The following DACH2 variants were observed in gnomAD, a reference collection of about 807,000 sequenced individuals.
The protein encoded by DACH2 is dachshund family transcription factor 2, also known as dachshund homolog 2.
In DACH2, 17 loss-of-function variants were observed where a neutral mutation model predicts 35.8. The observed-to-expected ratio is 0.48, with a 90% CI of 0.33 to 0.71. The LOEUF is 0.71. Ranked by LOEUF, DACH2 falls within the 30% of genes least tolerant of loss-of-function variation. DACH2 has a pLI of 0.02. For synonymous variants in DACH2, 195 were observed against 177.3 expected (o/e 1.10, Z -0.79); for missense variants, 469 against 472.7 (o/e 0.99, Z 0.07).
At position 86,687,921 on chromosome X, in the gene DACH2, T is replaced by G. The variant is rs774667151; in HGVS notation, c.773-7100T>G. ...GTGGGGGGCTAGGGGAGGGATAACA[T>G]TAGGAGAAATACCTAATGTAGGTGA... On this transcript the variant is annotated intron_variant, in intron 4 of 11. Transcript: ENST00000373125. 2.7e-3 allele frequency among the ~76,000 whole-genome samples: 301 copies of G among 110,421 alleles called. 2 individuals are homozygous for G. The highest frequency in any genetic ancestry group is 9.5e-3 in the African/African-American group (288 of 30,333).
At chrX:86,422,465 G>A (rs1174569302) in intron 2 of DACH2, among the ~76,000 whole-genome samples, 2 of 110,726 alleles carry the variant, frequency 1.8e-5, no homozygotes, top group Non-Finnish European at 3.8e-5. Context: ...ATAATTGGCT[G>A]TCTCTCATAC....
chrX:86,539,323 T>C (rs1475398308), intron 3 of DACH2, among the ~76,000 whole-genome samples: 1 of 111,618 alleles, frequency 9.0e-6, no homozygotes, highest in East Asian at 2.8e-4. Context: ...TCCTCATCCA[T>C]GTGGAATTGT....
In DACH2 at chrX:86,280,629, A is replaced by G. The variant is rs1045760219; in HGVS notation, c.489-96195A>G. On this transcript the variant is annotated intron_variant, in intron 1 of 11. Coordinates refer to ENST00000373125, the MANE Select transcript of DACH2 (RefSeq NM_053281.3). ...TTAACTTTAAATGTAAATGGGCTAA[A>G]TGCCCCAATTAAAAGACACAGACTG... 2.7e-5 allele frequency among the ~76,000 whole-genome samples: 3 copies of G among 112,457 alleles called. No homozygotes were observed. In the East Asian group the frequency reaches 8.4e-4, roughly 32 times the overall value.
At chrX:86,321,699 T>A (rs1042825601) in intron 1 of DACH2, among the ~76,000 whole-genome samples, 1 of 111,879 alleles carries the variant, frequency 8.9e-6, no homozygotes. Context: ...TCTGAACTTT[T>A]CTGCTGCTGG....
intron 3 of DACH2, among the ~76,000 whole-genome samples, chrX:86,563,490 T>C (rs1378149522): frequency 9.0e-6 from 1 of 111,152 alleles, no homozygotes; most frequent in Non-Finnish European, 1.9e-5. Context: ...TTGAAATTAA[T>C]TTGAAAATGT....
chrX:86,433,979 A>G (rs899194917), intron 2 of DACH2, among the ~76,000 whole-genome samples: 1 of 111,860 alleles, frequency 8.9e-6, no homozygotes, highest in Non-Finnish European at 1.9e-5. Flanking sequence ...AAGGTAATCT[A>G]CAGCATCAAG....
At chrX:86,316,671 G>T in intron 1 of DACH2, among the ~76,000 whole-genome samples, 1 of 111,349 alleles carries the variant, frequency 9.0e-6, no homozygotes, top group Non-Finnish European at 1.9e-5. Context: ...GGGAGGTGTT[G>T]TGTGGGGAAC....
At chrX:86,667,545 G>GAAAGAAAGAAAGAAAGAAAGAAAGAAGA (rs1556364144) in intron 4 of DACH2, among the ~76,000 whole-genome samples, 1 of 31,378 alleles carries the variant, frequency 3.2e-5, no homozygotes, top group African/African-American at 1.4e-4. Flanking sequence ...AAGAAAGAAA[G>GAAAGAAAGAAAGAAAGAAAGAAAGAAGA]AAGAAAGAAA....
intron 1 of DACH2, among the ~76,000 whole-genome samples, chrX:86,180,956 C>G (rs1194675851): frequency 9.0e-6 from 1 of 110,584 alleles, no homozygotes; most frequent in African/African-American, 3.3e-5. Flanking sequence ...TTCCAAAGGG[C>G]CAAGTTAGCG....
At chrX:86,819,703 T>G (rs2042489800) in intron 11 of DACH2, among the ~76,000 whole-genome samples, 1 of 111,815 alleles carries the variant, frequency 8.9e-6, no homozygotes. Context: ...TTTCATTACA[T>G]TTGATTGCCT....
chrX:86,556,596 T>G (rs1000322640), intron 3 of DACH2, among the ~76,000 whole-genome samples: 5 of 107,193 alleles, frequency 4.7e-5, no homozygotes, highest in African/African-American at 1.7e-4. Context: ...TGATGCACCT[T>G]TAGCCAGATT....
intron 7 of DACH2, among the ~76,000 whole-genome samples, chrX:86,806,096 A>T (rs1157409517): frequency 9.0e-6 from 1 of 111,020 alleles, no homozygotes; most frequent in Non-Finnish European, 1.9e-5. Flanking sequence ...TTTCTGCATT[A>T]GTCTGTTCTT....
chrX:86,761,543 C>T (rs1324977486), intron 7 of DACH2, among the ~76,000 whole-genome samples: 1 of 111,592 alleles, frequency 9.0e-6, no homozygotes, highest in Admixed American at 9.5e-5. Flanking sequence ...AATCCCATTA[C>T]TGGGTATATA....
At chrX:86,273,903 G>A (rs1375667117) in intron 1 of DACH2, among the ~76,000 whole-genome samples, 4 of 112,323 alleles carry the variant, frequency 3.6e-5, no homozygotes, top group Non-Finnish European at 7.5e-5. Context: ...TTATTTGAAC[G>A]TTCAGAGTAT....
chrX:86,378,562 C>A (rs1304947668), intron 2 of DACH2, among the ~76,000 whole-genome samples: 1 of 110,670 alleles, frequency 9.0e-6, no homozygotes, highest in African/African-American at 3.3e-5. Flanking sequence ...CTGGGAATTA[C>A]GATTTTTACA....
At chrX:86,576,090 T>G (rs1435705123) in intron 3 of DACH2, among the ~76,000 whole-genome samples, 1 of 112,066 alleles carries the variant, frequency 8.9e-6, no homozygotes, top group Non-Finnish European at 1.9e-5. Context: ...CTTAAAGCCT[T>G]TTTTGGTCCA....
intron 1 of DACH2, among the ~76,000 whole-genome samples, chrX:86,213,640 G>T (rs148973855): frequency 4.2e-4 from 46 of 110,220 alleles, no homozygotes; most frequent in African/African-American, 1.4e-3. Flanking sequence ...CCCAATTTAC[G>T]CCCATGCCTA....
rs185123804 is a variant in DACH2, at chrX:86,773,207, G to A, written c.1240+33325G>A. Among the ~76,000 whole-genome samples, 193 of 111,931 alleles carry A rather than the reference G, an allele frequency of 1.7e-3. 1 individual carries two copies. The highest frequency in any genetic ancestry group is 4.5e-3 in the African/African-American group (140 of 30,895). ...GAAGGTTCCTGTTTTTACTGGCAAC[G>A]TAGTAGAATCTGAAAGAGTTCCTTA... On this transcript the variant is annotated intron_variant, in intron 7 of 11. Coordinates refer to ENST00000373125, the MANE Select transcript of DACH2 (RefSeq NM_053281.3).
At chrX:86,659,152 T>C (rs1335036010) in intron 4 of DACH2, among the ~76,000 whole-genome samples, 1 of 111,099 alleles carries the variant, frequency 9.0e-6, no homozygotes, top group African/African-American at 3.3e-5. Context: ...CTGTTTTTAT[T>C]AGCTCCTGGT....
Sources: allele counts gnomAD v4.1 joint callset (sites outside exome capture counted in the v4.1 genomes callset), GRCh38; gene constraint gnomAD v4.1.1; transcripts MANE v1.5; gene names NCBI Gene and HGNC (gene_info 2026-07-23, HGNC 2026-07-21).